The following MDFIC2 variants were observed in gnomAD, a reference collection of about 807,000 sequenced individuals.
MDFIC2 encodes the protein myoD family inhibitor domain-containing protein 2.
At chr3:70,296,307 G>C (rs1465322136) in intron 2 of MDFIC2, among the ~76,000 whole-genome samples, 1 of 151,984 alleles carries the variant, frequency 6.6e-6, no homozygotes, top group Admixed American at 6.6e-5. Flanking sequence ...TTCCAAATCA[G>C]TTTATTGTCT....
chr3:70,295,566 G>T (rs959406234), intron 2 of MDFIC2, among the ~76,000 whole-genome samples: 3 of 152,074 alleles, frequency 2.0e-5, no homozygotes, highest in Non-Finnish European at 2.9e-5. Context: ...AGCCAGGCTT[G>T]GTGGTGCGCA....
At chr3:70,206,420 A>G (rs1701291252) in intron 3 of MDFIC2, 149 bp downstream of exon 3, 1 of 392,858 alleles carries the variant, frequency 2.5e-6, no homozygotes, top group Non-Finnish European at 4.5e-6. Context: ...TGACCTTGAC[A>G]TATGTCATTC....
chr3:70,289,500 C>T (rs1389059837), intron 2 of MDFIC2, among the ~76,000 whole-genome samples: 5 of 148,996 alleles, frequency 3.4e-5, no homozygotes, highest in African/African-American at 1.2e-4. Flanking sequence ...ACATTTTTTC[C>T]TTCATTTCAA....
intron 2 of MDFIC2, among the ~76,000 whole-genome samples, chr3:70,306,965 A>G (rs1293015297): frequency 6.6e-6 from 1 of 152,172 alleles, no homozygotes; most frequent in Non-Finnish European, 1.5e-5. Context: ...AAATATGTAT[A>G]TGTATGTGTG....
intron 2 of MDFIC2, among the ~76,000 whole-genome samples, chr3:70,274,064 T>TGTGTG (rs1701998561): frequency 6.8e-6 from 1 of 147,530 alleles, no homozygotes; most frequent in Non-Finnish European, 1.5e-5. Flanking sequence ...TCCGTGTGTG[T>TGTGTG]GTGTGTGTGT....
chr3:70,291,605 A>G (rs1702240463), intron 2 of MDFIC2, among the ~76,000 whole-genome samples: 2 of 152,138 alleles, frequency 1.3e-5, no homozygotes, highest in African/African-American at 4.8e-5. Flanking sequence ...GGAACATCGG[A>G]TCCACAAATG....
intron 2 of MDFIC2, among the ~76,000 whole-genome samples, chr3:70,275,065 G>C (rs1166392971): frequency 6.6e-6 from 1 of 152,094 alleles, no homozygotes; most frequent in Non-Finnish European, 1.5e-5. Flanking sequence ...GGTGATATAA[G>C]CCTGCAGCTG....
rs1215756574 is a variant in MDFIC2, at chr3:70,213,191, T to A, written c.89-6401A>T. Among the ~76,000 whole-genome samples the A allele has an allele frequency of 3.9e-5, 6 of 152,076 alleles. No homozygotes were observed. The East Asian group carries it at 1.2e-3, about 29-fold the overall frequency. Reference sequence around the variant, plus strand: ...TTCTTGATATGTTCCCAGGCTGGACTAGAGCTCCTGGGCTCAAGTGATCCT... The same window carrying A: ...TTCTTGATATGTTCCCAGGCTGGACAAGAGCTCCTGGGCTCAAGTGATCCT... On this transcript the variant is annotated intron_variant, in intron 2 of 3. Transcript: ENST00000567252.
chr3:70,228,743 T>C (rs1365641004), intron 2 of MDFIC2, among the ~76,000 whole-genome samples: 1 of 146,088 alleles, frequency 6.8e-6, no homozygotes, highest in Non-Finnish European at 1.5e-5. Flanking sequence ...TCATGAATCT[T>C]TTTTTTTTTT....
intron 2 of MDFIC2, among the ~76,000 whole-genome samples, chr3:70,244,977 T>C (rs1407689447): frequency 1.3e-5 from 2 of 152,184 alleles, no homozygotes; most frequent in East Asian, 1.9e-4. Context: ...ACTACTTATC[T>C]GGTGCTATTA....
Position 70,195,184 on chromosome 3 carries a change from C to A in MDFIC2, c.*1742G>T, listed in dbSNP as rs1701163692. 6.6e-6 allele frequency among the ~76,000 whole-genome samples: 1 copy of A among 152,146 alleles called. No individual in the cohort carries two copies. The highest frequency in any genetic ancestry group is 1.5e-5 in the Non-Finnish European group (1 of 68,020). Reference sequence around the variant, plus strand: ...ATATAAAAAGGTTGCATAAGAACAGCCTTATGTTCCCTTCCTGTTCTAGGA... The same window carrying A: ...ATATAAAAAGGTTGCATAAGAACAGACTTATGTTCCCTTCCTGTTCTAGGA... On this transcript the variant is annotated 3_prime_UTR_variant, in exon 4 of 4. Coordinates refer to ENST00000567252, the MANE Select transcript of MDFIC2 (RefSeq NM_001364677.1).
intron 2 of MDFIC2, among the ~76,000 whole-genome samples, chr3:70,221,694 G>T (rs749045481): frequency 3.3e-4 from 51 of 152,268 alleles, no homozygotes; most frequent in Non-Finnish European, 6.2e-4. Context: ...AGGTTCAAAT[G>T]GAAGGGGAAA....
chr3:70,220,292 T>G (rs1230091844), intron 2 of MDFIC2, among the ~76,000 whole-genome samples: 2 of 152,060 alleles, frequency 1.3e-5, no homozygotes, highest in South Asian at 2.1e-4. Flanking sequence ...GAGGCTAGGC[T>G]CAGTGTCTCA....
chr3:70,284,929 T>C (rs1702127283), intron 2 of MDFIC2, among the ~76,000 whole-genome samples: 1 of 152,160 alleles, frequency 6.6e-6, no homozygotes, highest in Non-Finnish European at 1.5e-5. Context: ...TAAATGGCAT[T>C]GGTGTAACTG....
At chr3:70,232,453 G>A (rs567812150) in intron 2 of MDFIC2, among the ~76,000 whole-genome samples, 23 of 151,478 alleles carry the variant, frequency 1.5e-4, no homozygotes, top group African/African-American at 5.1e-4. Flanking sequence ...CCAGGCTGGA[G>A]TGCAGTGGCA....
chr3:70,232,591 G>A (rs1044127993), intron 2 of MDFIC2, among the ~76,000 whole-genome samples: 1 of 151,814 alleles, frequency 6.6e-6, no homozygotes, highest in African/African-American at 2.4e-5. Flanking sequence ...ATAGAGACGG[G>A]GTTTCACTGT....
At chr3:70,278,394 G>C (rs1334467275) in intron 2 of MDFIC2, among the ~76,000 whole-genome samples, 1 of 152,004 alleles carries the variant, frequency 6.6e-6, no homozygotes, top group Non-Finnish European at 1.5e-5. Context: ...AACATTTTTT[G>C]GTTGACATAA....
chr3:70,272,229 A>G (rs985926061), intron 2 of MDFIC2: 1 of 152,226 alleles, frequency 6.6e-6, no homozygotes, highest in Non-Finnish European at 1.5e-5. Context: ...CATCACAATT[A>G]AAATGAAAAA....
intron 2 of MDFIC2, among the ~76,000 whole-genome samples, chr3:70,260,656 C>T (rs959576957): frequency 2.6e-5 from 4 of 152,076 alleles, no homozygotes; most frequent in African/African-American, 9.7e-5. Flanking sequence ...CAACTTCTGT[C>T]AGACTGCCCT....
Sources: allele counts gnomAD v4.1 joint callset (sites outside exome capture counted in the v4.1 genomes callset), GRCh38; gene constraint gnomAD v4.1.1; transcripts MANE v1.5; gene names NCBI Gene and HGNC (gene_info 2026-07-23, HGNC 2026-07-21).